Variants in CFAP299 observed in about 807,000 individuals in gnomAD.
CFAP299 encodes cilia- and flagella-associated protein 299.
In CFAP299, 21 loss-of-function variants were observed where a neutral mutation model predicts 27.0. That is an observed-to-expected ratio of 0.78 (90% CI 0.55 to 1.12). CFAP299 has a LOEUF of 1.12. Among genes scored for constraint, CFAP299 ranks in the 50% most tolerant of loss-of-function variants. CFAP299 has a pLI of 0.00. For missense variants in CFAP299, 310 were observed against 276.6 expected, an observed-to-expected ratio of 1.12 and a Z score of -0.86; for synonymous variants, 104 against 98.1, an observed-to-expected ratio of 1.06 and a Z score of -0.36.
At chr4:80,883,087 C>CT (rs1733793240) in intron 4 of CFAP299, among the ~76,000 whole-genome samples, 3 of 148,678 alleles carry the variant, frequency 2.0e-5, no homozygotes, top group Non-Finnish European at 4.4e-5. Flanking sequence ...AATATAACTA[C>CT]AATAATTTGC....
intron 3 of CFAP299, among the ~76,000 whole-genome samples, chr4:80,764,089 A>C (rs1195259519): frequency 6.6e-6 from 1 of 152,210 alleles, no homozygotes; most frequent in African/African-American, 2.4e-5. Context: ...GCAACAAAGC[A>C]AAATTGACAA....
At chr4:80,432,090 A>C (rs1727844546) in intron 2 of CFAP299, among the ~76,000 whole-genome samples, 1 of 152,262 alleles carries the variant, frequency 6.6e-6, no homozygotes, top group South Asian at 2.1e-4. Flanking sequence ...AAAATCTAAA[A>C]GAAAATCAAA....
At chr4:80,868,261 A>C (rs1370463546) in intron 3 of CFAP299, among the ~76,000 whole-genome samples, 2 of 151,780 alleles carry the variant, frequency 1.3e-5, no homozygotes, top group Non-Finnish European at 2.9e-5. Context: ...TTTATCTTTG[A>C]CTTGACAGCT....
At chr4:80,630,809 A>G (rs1490210927) in intron 3 of CFAP299, among the ~76,000 whole-genome samples, 1 of 152,106 alleles carries the variant, frequency 6.6e-6, no homozygotes, top group Non-Finnish European at 1.5e-5. Context: ...ACAAATGCCA[A>G]GAATAGACAG....
At chr4:80,402,312 A>C (rs1358651385) in intron 2 of CFAP299, among the ~76,000 whole-genome samples, 1 of 152,182 alleles carries the variant, frequency 6.6e-6, no homozygotes, top group Non-Finnish European at 1.5e-5. Flanking sequence ...CCCAAATCTC[A>C]ACTTGAATTG....
At chr4:80,497,438 A>G (rs140689584) in intron 2 of CFAP299, among the ~76,000 whole-genome samples, 56 of 152,346 alleles carry the variant, frequency 3.7e-4, no homozygotes, top group African/African-American at 1.2e-3. Flanking sequence ...GTTACAAAAT[A>G]AAGTAAGTTC....
At chr4:80,348,881 C>T (rs1283265938) in intron 1 of CFAP299, among the ~76,000 whole-genome samples, 1 of 152,194 alleles carries the variant, frequency 6.6e-6, no homozygotes, top group East Asian at 1.9e-4. Flanking sequence ...AGTTTTGCTT[C>T]TACATTCCAT....
intron 3 of CFAP299, among the ~76,000 whole-genome samples, chr4:80,620,455 C>G (rs1738525636): frequency 6.6e-6 from 1 of 152,100 alleles, no homozygotes; most frequent in South Asian, 2.1e-4. Flanking sequence ...TTAGGGATAG[C>G]AGACATGTTC....
chr4:80,375,923 A>G (rs1460240331), intron 2 of CFAP299, among the ~76,000 whole-genome samples: 1 of 152,240 alleles, frequency 6.6e-6, no homozygotes. Context: ...GCTAGGTAGC[A>G]CATCCATTAT....
At chr4:80,598,528 C>A (rs994919346) in intron 3 of CFAP299, among the ~76,000 whole-genome samples, 2 of 152,162 alleles carry the variant, frequency 1.3e-5, no homozygotes, top group African/African-American at 2.4e-5. Flanking sequence ...TTTTCTTGAG[C>A]ATTTAATGGT....
At chr4:80,945,481 A>G (rs1273468216) in intron 5 of CFAP299, among the ~76,000 whole-genome samples, 2 of 152,204 alleles carry the variant, frequency 1.3e-5, no homozygotes, top group African/African-American at 2.4e-5. Flanking sequence ...AAATATTTAC[A>G]TCTTGCATAT....
chr4:80,513,186 G>A (rs1732402827), intron 2 of CFAP299, among the ~76,000 whole-genome samples: 1 of 152,052 alleles, frequency 6.6e-6, no homozygotes, highest in Admixed American at 6.6e-5. Context: ...ATTGTGCTTT[G>A]ATTGATAAAG....
intron 3 of CFAP299, among the ~76,000 whole-genome samples, chr4:80,767,230 TAATG>T (rs1270539387): frequency 6.6e-6 from 1 of 152,156 alleles, no homozygotes; most frequent in East Asian, 1.9e-4. Context: ...AAGAGGTTAA[TAATG>T]GTGACTATTA....
intron 2 of CFAP299, among the ~76,000 whole-genome samples, chr4:80,576,694 C>G (rs1025548102): frequency 6.6e-6 from 1 of 152,080 alleles, no homozygotes; most frequent in African/African-American, 2.4e-5. Context: ...CACTTTTACT[C>G]AACTACTGTT....
chr4:80,892,511 C>T (rs1734359584), intron 4 of CFAP299, among the ~76,000 whole-genome samples: 1 of 152,012 alleles, frequency 6.6e-6, no homozygotes, highest in Admixed American at 6.6e-5. Context: ...CAAGTGGGAT[C>T]ACATTAAGTT....
rs1171760780 is a variant in CFAP299, at chr4:80,581,472, A to G, written c.243-1621A>G. Reference sequence around the variant, plus strand: ...AAGTGAGATATATATATATATATATATATATATATATATATATGACAAGCT... The same window carrying G: ...AAGTGAGATATATATATATATATATGTATATATATATATATATGACAAGCT... On this transcript the variant is annotated intron_variant, in intron 2 of 5. Coordinates refer to ENST00000358105, the MANE Select transcript of CFAP299 (RefSeq NM_152770.3). 2.2e-5 allele frequency among the ~76,000 whole-genome samples: 3 copies of G among 138,518 alleles called. No individual in the cohort carries two copies. In the East Asian group the frequency reaches 6.4e-4, roughly 30 times the overall value. 90.9% of individuals were successfully genotyped at this position (138,518 alleles called of 152,430 possible).
chr4:80,800,489 ATAATATATAATAT>A (rs1728437297), intron 3 of CFAP299, among the ~76,000 whole-genome samples: 1 of 2,414 alleles, frequency 4.1e-4, no homozygotes, highest in South Asian at 0.031. Flanking sequence ...TATATAATAT[ATAATATATAATAT>A]ATTATATAAT....
intron 2 of CFAP299, among the ~76,000 whole-genome samples, chr4:80,522,388 A>G (rs1732966102): frequency 6.6e-6 from 1 of 152,004 alleles, no homozygotes. Flanking sequence ...AGTGCCTTAT[A>G]TATTTTGGAT....
intron 3 of CFAP299, among the ~76,000 whole-genome samples, chr4:80,743,918 T>C (rs962201785): frequency 3.3e-5 from 5 of 152,214 alleles, no homozygotes; most frequent in African/African-American, 1.2e-4. Flanking sequence ...GTAAATACGA[T>C]TGTTGCCAGA....
Sources: allele counts gnomAD v4.1 joint callset (sites outside exome capture counted in the v4.1 genomes callset), GRCh38; gene constraint gnomAD v4.1.1; transcripts MANE v1.5; gene names NCBI Gene and HGNC (gene_info 2026-07-23, HGNC 2026-07-21).